Variants in COL19A1 observed in about 807,000 individuals in gnomAD.
COL19A1 encodes collagen alpha-1(XIX) chain.
Under a neutral mutation model 190.2 loss-of-function variants are expected in COL19A1, and 159 were observed. The ratio of observed to expected loss-of-function variants is 0.84; its 90% confidence interval spans 0.73 to 0.95. COL19A1 has a LOEUF of 0.95. COL19A1 is among the 40% of genes least tolerant of loss of function. The probability of loss-of-function intolerance (pLI) is 0.00; values close to 1 mark genes in which losing one functional copy is unlikely to be tolerated. For synonymous variants in COL19A1, 509 were observed against 458.9 expected (o/e 1.11, Z -1.39); for missense variants, 1,418 against 1,431.9 (o/e 0.99, Z 0.16).
chr6:69,994,388 G>C (rs1370765576), intron 11 of COL19A1, among the ~76,000 whole-genome samples: 1 of 152,130 alleles, frequency 6.6e-6, no homozygotes, highest in Non-Finnish European at 1.5e-5. Context: ...GGTCAAACAA[G>C]GAACGAGTTA....
At chr6:70,069,963 C>T (rs1300802487) in intron 15 of COL19A1, among the ~76,000 whole-genome samples, 5 of 152,138 alleles carry the variant, frequency 3.3e-5, no homozygotes, top group East Asian at 1.9e-4. Context: ...TCATTTAAAT[C>T]GTTAATAAAT....
intron 49 of COL19A1, among the ~76,000 whole-genome samples, chr6:70,201,040 T>C (rs1164125148): frequency 6.6e-6 from 1 of 152,190 alleles, no homozygotes; most frequent in Non-Finnish European, 1.5e-5. Flanking sequence ...ATTATTATCT[T>C]TCGCTGGTTG....
At chr6:70,056,794 C>T (rs1318710040) in intron 14 of COL19A1, among the ~76,000 whole-genome samples, 3 of 152,026 alleles carry the variant, frequency 2.0e-5, no homozygotes, top group Non-Finnish European at 2.9e-5. Flanking sequence ...AAAATTATTA[C>T]AGCATGGAGC....
chr6:70,128,769 AAG>A (rs1371598170), intron 17 of COL19A1, among the ~76,000 whole-genome samples: 1 of 152,360 alleles, frequency 6.6e-6, no homozygotes, highest in East Asian at 1.9e-4. Flanking sequence ...TGATGTAAGA[AAG>A]AGAACACACT....
chr6:69,978,818 T>A, intron 11 of COL19A1, among the ~76,000 whole-genome samples: 1 of 148,068 alleles, frequency 6.8e-6, no homozygotes. Context: ...ACTAAGAAAA[T>A]GAATACACAA....
At chr6:70,047,198 T>G (rs537498246) in intron 14 of COL19A1, among the ~76,000 whole-genome samples, 2 of 152,260 alleles carry the variant, frequency 1.3e-5, no homozygotes, top group South Asian at 2.1e-4. Context: ...ATCAGCATTT[T>G]TTAAGATACT....
At chr6:70,034,978 C>A (rs763869302) in intron 13 of COL19A1, among the ~76,000 whole-genome samples, 2 of 152,186 alleles carry the variant, frequency 1.3e-5, no homozygotes, top group Non-Finnish European at 2.9e-5. Context: ...CTTCAGTGTT[C>A]CCTTAGCAAC....
chr6:69,904,862 GTGCTGGGATGTCCCTTAC>G, intron 4 of COL19A1, among the ~76,000 whole-genome samples: 1 of 152,172 alleles, frequency 6.6e-6, no homozygotes, highest in East Asian at 1.9e-4. Flanking sequence ...CACACGGCTT[GTGCTGGGATGTCCCTTAC>G]CTGTGGCACT....
At chr6:70,147,874 C>G (rs1239572140) in intron 27 of COL19A1, among the ~76,000 whole-genome samples, 1 of 152,148 alleles carries the variant, frequency 6.6e-6, no homozygotes, top group African/African-American at 2.4e-5. Context: ...TGACCCCCAC[C>G]TCAGGTTCTA....
chr6:69,989,552 A>AATTTTTTTT (rs1776500785), intron 11 of COL19A1, among the ~76,000 whole-genome samples: 1 of 112,362 alleles, frequency 8.9e-6, no homozygotes, highest in African/African-American at 5.0e-5. Context: ...AGAGTTTTTT[A>AATTTTTTTT]CTTTTTTTTT....
chr6:69,912,308 C>T (rs1293076274), intron 4 of COL19A1, among the ~76,000 whole-genome samples: 2 of 152,066 alleles, frequency 1.3e-5, no homozygotes, highest in Non-Finnish European at 2.9e-5. Context: ...TCTCAGGCCT[C>T]GTTAATATGT....
chr6:70,200,008 T>A, intron 49 of COL19A1: 1 of 293,988 alleles, frequency 3.4e-6, no homozygotes, highest in South Asian at 3.4e-5. Context: ...ATATTTATTA[T>A]AACAATAACA....
In COL19A1 at chr6:70,130,220, C is replaced by G. The variant is rs150339444; in HGVS notation, c.1380C>G (p.Asp460Glu). ...ATGAAGCTGGAGGCCTGAAAGGAGA[C>G]AAGGTAATCAGATTTTTTTTTTTTA... Reference protein sequence around the residue: ...DEHEAGGLKGDKGETGLPGFP... With the variant: ...DEHEAGGLKGEKGETGLPGFP... Residue 460 changes from aspartate (D) to glutamate (E), a missense_variant, in exon 18 of 51, where the codon GAC becomes GAG. Transcript: ENST00000620364. The G allele has an allele frequency of 1.2e-6, 2 of 1,610,302 alleles. No individual in the cohort carries two copies. Among genetic ancestry groups the G allele is most frequent in the African/African-American group, 2.7e-5 (2 of 74,644 alleles).
rs551827145 is a variant in COL19A1, at chr6:69,936,577, G to T, written c.748-208G>T. ...GACCATTATTTTAAATATTTTTCTT[G>T]CATGTTGTCAGTATAAGAAAACCCA... On this transcript the variant is annotated intron_variant, in intron 7 of 50. Transcript: ENST00000620364. 4.6e-5 allele frequency among the ~76,000 whole-genome samples: 7 copies of T among 152,060 alleles called. No individual in the cohort carries two copies. In the East Asian group the frequency reaches 9.7e-4, roughly 21 times the overall value.
intron 11 of COL19A1, among the ~76,000 whole-genome samples, chr6:69,976,885 A>C (rs1467637256): frequency 6.6e-6 from 1 of 152,102 alleles, no homozygotes; most frequent in Non-Finnish European, 1.5e-5. Flanking sequence ...TGTTTAGCTC[A>C]CTCTTCCCTG....
chr6:70,088,516 T>C (rs1283516911), intron 15 of COL19A1, among the ~76,000 whole-genome samples: 1 of 152,152 alleles, frequency 6.6e-6, no homozygotes, highest in South Asian at 2.1e-4. Context: ...AGCATGACTA[T>C]GGGTAACAAG....
chr6:70,007,698 G>A (rs187202281), intron 11 of COL19A1, among the ~76,000 whole-genome samples: 1 of 152,000 alleles, frequency 6.6e-6, no homozygotes, highest in Admixed American at 6.5e-5. Flanking sequence ...GAATATAGTA[G>A]ACTTGAATAA....
intron 2 of COL19A1, among the ~76,000 whole-genome samples, chr6:69,896,672 A>T (rs976693778): frequency 6.6e-6 from 1 of 151,806 alleles, no homozygotes; most frequent in Non-Finnish European, 1.5e-5. Context: ...TGGCATCTTC[A>T]GTGCTTTAAT....
At chr6:69,925,390 G>A (rs1245431099) in intron 4 of COL19A1, among the ~76,000 whole-genome samples, 1 of 152,064 alleles carries the variant, frequency 6.6e-6, no homozygotes, top group Non-Finnish European at 1.5e-5. Context: ...AAGATCAGAT[G>A]TTTGTAGATG....
Sources: allele counts gnomAD v4.1 joint callset (sites outside exome capture counted in the v4.1 genomes callset), GRCh38; gene constraint gnomAD v4.1.1; transcripts MANE v1.5; gene names NCBI Gene and HGNC (gene_info 2026-07-23, HGNC 2026-07-21).